The following SLC30A9 variants were observed in gnomAD, a reference collection of about 807,000 sequenced individuals.
SLC30A9 encodes the protein solute carrier family 30 member 9.
In SLC30A9, 58 loss-of-function variants were observed where a neutral mutation model predicts 87.5. The observed-to-expected ratio is 0.66, with a 90% CI of 0.54 to 0.82. The LOEUF (loss-of-function observed/expected upper bound fraction) is 0.82, where lower values mean the gene tolerates loss of function less well. SLC30A9 is among the 40% of genes least tolerant of loss of function. SLC30A9 has a pLI of 0.00. For missense variants in SLC30A9, 557 were observed against 679.1 expected, an observed-to-expected ratio of 0.82 and a Z score of 2.00; for synonymous variants, 234 against 233.0, an observed-to-expected ratio of 1.00 and a Z score of -0.04.
intron 6 of SLC30A9, among the ~76,000 whole-genome samples, chr4:42,033,460 C>T (rs956499701): frequency 2.0e-5 from 3 of 151,762 alleles, no homozygotes; most frequent in African/African-American, 7.3e-5. Flanking sequence ...GCAACATTAG[C>T]GAGACCATTT....
At chr4:42,038,832 T>C (rs1716797409) in intron 7 of SLC30A9, among the ~76,000 whole-genome samples, 154 bp from the exon 8 acceptor site, 2 of 152,244 alleles carry the variant, frequency 1.3e-5, no homozygotes, top group Admixed American at 1.3e-4. Context: ...TTTTAATCTT[T>C]CCACTTTCTA....
chr4:42,089,849 T>A lies in SLC30A9; in HGVS notation c.*3723T>A, dbSNP rs1719039513. 1 of 152,142 alleles carries A rather than the reference T, an allele frequency of 6.6e-6. No individual in the cohort carries two copies. Among genetic ancestry groups the A allele is most frequent in the Admixed American group, 6.5e-5 (1 of 15,272 alleles). 9.4% of individuals were successfully genotyped at this position (152,142 alleles called of 1,614,324 possible). Reference sequence around the variant, plus strand: ...TTTCAAATTTTTTCAAAAGCAAAGGTAATCCCTGCATACATCCTCCTACAC... The same window carrying A: ...TTTCAAATTTTTTCAAAAGCAAAGGAAATCCCTGCATACATCCTCCTACAC... On this transcript the variant is annotated 3_prime_UTR_variant, in exon 18 of 18. Coordinates refer to ENST00000264451, the MANE Select transcript of SLC30A9 (RefSeq NM_006345.4).
intron 8 of SLC30A9, among the ~76,000 whole-genome samples, chr4:42,044,788 A>C (rs934389223): frequency 2.6e-5 from 4 of 152,262 alleles, no homozygotes; most frequent in African/African-American, 9.6e-5. Context: ...TGTCACTCTT[A>C]TTCTAATATT....
At chr4:42,066,712 G>T in intron 13 of SLC30A9, 91 bp downstream of exon 13, 1 of 781,874 alleles carries the variant, frequency 1.3e-6, no homozygotes. Context: ...TAATAGAAAT[G>T]TACAAAATAT....
chr4:42,060,402 G>C (rs181189210), intron 10 of SLC30A9, among the ~76,000 whole-genome samples, 156 bp downstream of exon 10: 4 of 152,238 alleles, frequency 2.6e-5, no homozygotes, highest in Middle Eastern at 3.4e-3. Flanking sequence ...ACTTCCCACT[G>C]TGTCAAAGTA....
At chr4:42,029,612 C>T (rs1716336952) in intron 6 of SLC30A9, 7 of 705,986 alleles carry the variant, frequency 9.9e-6, no homozygotes, top group Non-Finnish European at 1.5e-5. Context: ...CCCAGTGAAC[C>T]CAAAGAACGA....
chr4:42,001,425 A>G (rs911003137), intron 1 of SLC30A9, among the ~76,000 whole-genome samples, 191 bp from the exon 2 acceptor site: 2 of 152,034 alleles, frequency 1.3e-5, no homozygotes, highest in African/African-American at 4.8e-5. Context: ...TTGATTTTTT[A>G]TATTTTTAAA....
At chr4:42,076,643 G>A (rs1718560619) in intron 16 of SLC30A9, among the ~76,000 whole-genome samples, 1 of 152,064 alleles carries the variant, frequency 6.6e-6, no homozygotes, top group Non-Finnish European at 1.5e-5. Context: ...TTTGTCTCCA[G>A]TTGATGGACA....
At chr4:42,037,634 A>G (rs1253278280) in intron 7 of SLC30A9, among the ~76,000 whole-genome samples, 6 of 152,086 alleles carry the variant, frequency 3.9e-5, no homozygotes. Context: ...CCCAATATTA[A>G]AGAACCTTGT....
chr4:41,996,284 T>TG (rs1714701727), intron 1 of SLC30A9, among the ~76,000 whole-genome samples: 1 of 151,054 alleles, frequency 6.6e-6, no homozygotes, highest in Non-Finnish European at 1.5e-5. Flanking sequence ...TTAGTAGAGA[T>TG]GGGGTTTTTC....
chr4:42,055,696 G>A (rs1358944868), intron 9 of SLC30A9, among the ~76,000 whole-genome samples: 3 of 152,190 alleles, frequency 2.0e-5, no homozygotes, highest in Non-Finnish European at 2.9e-5. Flanking sequence ...GAGCACCTGA[G>A]TTTGCAATGT....
intron 6 of SLC30A9, among the ~76,000 whole-genome samples, chr4:42,028,570 C>T (rs1716289050): frequency 6.6e-6 from 1 of 152,202 alleles, no homozygotes; most frequent in African/African-American, 2.4e-5. Flanking sequence ...TTTGTGAAAA[C>T]ATAAGATATT....
At chr4:42,025,961 T>G (rs939985865) in intron 6 of SLC30A9, among the ~76,000 whole-genome samples, 15 of 151,362 alleles carry the variant, frequency 9.9e-5, no homozygotes, top group Non-Finnish European at 3.0e-5. Context: ...CGATTATCTG[T>G]TTTTTTTTAA....
intron 7 of SLC30A9, among the ~76,000 whole-genome samples, chr4:42,037,853 C>T (rs894334334): frequency 1.4e-4 from 22 of 152,048 alleles, no homozygotes; most frequent in Admixed American, 1.4e-3. Flanking sequence ...TCACTGCAAC[C>T]TCCGCCTCCC....
intron 10 of SLC30A9, among the ~76,000 whole-genome samples, chr4:42,060,549 A>T (rs1490051482): frequency 6.6e-6 from 1 of 152,178 alleles, no homozygotes; most frequent in Non-Finnish European, 1.5e-5. Context: ...ATTTGGTCCA[A>T]GGAAACATAT....
At chr4:42,054,493 ATT>A (rs35238488) in intron 9 of SLC30A9, among the ~76,000 whole-genome samples, 1 of 143,792 alleles carries the variant, frequency 7.0e-6, no homozygotes, top group Non-Finnish European at 1.5e-5. Context: ...ATTAGTATTG[ATT>A]TTTTTTTTTT....
At chr4:42,054,115 G>C (rs1221398846) in intron 9 of SLC30A9, among the ~76,000 whole-genome samples, 1 of 152,138 alleles carries the variant, frequency 6.6e-6, no homozygotes, top group Non-Finnish European at 1.5e-5. Flanking sequence ...AGCACATTGG[G>C]AGGCCGAGGT....
intron 15 of SLC30A9, among the ~76,000 whole-genome samples, chr4:42,072,458 A>G (rs1269522919): frequency 6.6e-6 from 1 of 151,720 alleles, no homozygotes; most frequent in Non-Finnish European, 1.5e-5. Flanking sequence ...ATATTGTGCC[A>G]TTTTCATTAT....
chr4:41,995,372 G>T (rs1425704306), intron 1 of SLC30A9, among the ~76,000 whole-genome samples: 1 of 152,054 alleles, frequency 6.6e-6, no homozygotes, highest in Non-Finnish European at 1.5e-5. Flanking sequence ...TGTAGTATGT[G>T]CCTCCTAGAG....
Sources: gnomAD v4.1 joint callset for allele counts (sites outside exome capture counted in the v4.1 genomes callset) on GRCh38, gnomAD v4.1.1 for gene constraint, MANE v1.5 for transcripts, NCBI Gene and HGNC (gene_info 2026-07-23, HGNC 2026-07-21) for gene names.